GPC5: variants seen among roughly 807,000 people sequenced by gnomAD.
GPC5 encodes glypican-5.
Under a neutral mutation model 53.9 loss-of-function variants are expected in GPC5, and 47 were observed. That is an observed-to-expected ratio of 0.87 (90% CI 0.69 to 1.11). The LOEUF is 1.11. GPC5 is among the 50% of genes most tolerant of loss of function. GPC5 has a pLI of 0.00. For missense variants in GPC5, 748 were observed against 713.1 expected (o/e 1.05, Z -0.56); for synonymous variants, 286 against 263.3 (o/e 1.09, Z -0.84).
chr13:91,889,861 A>T (rs542653772), intron 5 of GPC5, among the ~76,000 whole-genome samples: 2 of 152,336 alleles, frequency 1.3e-5, no homozygotes, highest in South Asian at 4.1e-4. Context: ...TTCATACTTA[A>T]TTACAACAAT....
intron 7 of GPC5, among the ~76,000 whole-genome samples, chr13:92,305,652 T>C (rs183741186): frequency 1.2e-3 from 179 of 152,346 alleles, no homozygotes; most frequent in African/African-American, 4.1e-3. Flanking sequence ...TTTCTGAGGC[T>C]GTTTTCATTT....
intron 7 of GPC5, among the ~76,000 whole-genome samples, chr13:92,732,381 A>G (rs1037679312): frequency 5.9e-5 from 9 of 151,506 alleles, no homozygotes; most frequent in African/African-American, 2.2e-4. Flanking sequence ...AAATATTTTA[A>G]TGTTATTTAC....
At chr13:92,728,655 T>A (rs1888714571) in intron 7 of GPC5, among the ~76,000 whole-genome samples, 1 of 151,510 alleles carries the variant, frequency 6.6e-6, no homozygotes, top group Admixed American at 6.6e-5. Flanking sequence ...ATGCAGTCAC[T>A]ATCTTAATGT....
chr13:92,124,733 G>A (rs1448876195), intron 6 of GPC5, among the ~76,000 whole-genome samples: 1 of 152,028 alleles, frequency 6.6e-6, no homozygotes, highest in Non-Finnish European at 1.5e-5. Flanking sequence ...ATATACTCTG[G>A]GAGTGAAGAG....
At chr13:92,331,801 G>A (rs1255960727) in intron 7 of GPC5, among the ~76,000 whole-genome samples, 1 of 151,924 alleles carries the variant, frequency 6.6e-6, no homozygotes, top group Non-Finnish European at 1.5e-5. Flanking sequence ...CACGGTTGCA[G>A]ATCTTTGCCA....
intron 7 of GPC5, among the ~76,000 whole-genome samples, chr13:92,849,181 C>T (rs979122552): frequency 2.0e-5 from 3 of 152,130 alleles, no homozygotes; most frequent in South Asian, 4.1e-4. Flanking sequence ...AAGGTCTTCT[C>T]CTCATGTGTG....
chr13:92,566,036 A>C (rs1424714063), intron 7 of GPC5, among the ~76,000 whole-genome samples: 2 of 152,078 alleles, frequency 1.3e-5, no homozygotes, highest in Admixed American at 6.6e-5. Flanking sequence ...ATTACAGTAT[A>C]AAATACAAAC....
chr13:92,631,428 A>G (rs1885235860), intron 7 of GPC5, among the ~76,000 whole-genome samples: 1 of 152,152 alleles, frequency 6.6e-6, no homozygotes. Flanking sequence ...CATGCTAGCT[A>G]TGTAATAAAT....
intron 6 of GPC5, among the ~76,000 whole-genome samples, chr13:92,099,118 T>A (rs2041444805): frequency 6.6e-6 from 1 of 152,174 alleles, no homozygotes; most frequent in Non-Finnish European, 1.5e-5. Context: ...AAGACAAGTT[T>A]TTTTCCCCTC....
intron 7 of GPC5, among the ~76,000 whole-genome samples, chr13:92,169,673 C>A (rs1424862354): frequency 2.0e-5 from 3 of 151,930 alleles, no homozygotes; most frequent in South Asian, 2.1e-4. Context: ...AACGTACAAT[C>A]CAGTGTCTAT....
At chr13:91,967,952 T>G (rs1198444219) in intron 6 of GPC5, among the ~76,000 whole-genome samples, 2 of 152,128 alleles carry the variant, frequency 1.3e-5, no homozygotes, top group African/African-American at 4.8e-5. Context: ...GTGTATTAGT[T>G]ATAATTGTTC....
intron 7 of GPC5, among the ~76,000 whole-genome samples, chr13:92,218,620 A>G (rs1309986879): frequency 6.6e-6 from 1 of 152,174 alleles, no homozygotes; most frequent in Admixed American, 6.5e-5. Flanking sequence ...TTAAAGGTCC[A>G]TAAAAATCCC....
chr13:92,010,675 C>T (rs1379312680), intron 6 of GPC5, among the ~76,000 whole-genome samples: 2 of 152,166 alleles, frequency 1.3e-5, no homozygotes, highest in East Asian at 3.8e-4. Flanking sequence ...CTCCCTTTCT[C>T]TGTCTCTCTC....
rs144811125 is a variant in GPC5, at chr13:92,531,321, T to A, written c.1562-334961T>A. On this transcript the variant is annotated intron_variant, in intron 7 of 7. Coordinates refer to ENST00000377067, the MANE Select transcript of GPC5 (RefSeq NM_004466.6). ...AACTGAATAATACATGCTTGAATAT[T>A]GAATAGATCACTAGTTTTAGGATAT... Among the ~76,000 whole-genome samples the A allele has an allele frequency of 3.3e-5, 5 of 152,196 alleles. No homozygotes were observed. The East Asian group carries it at 9.7e-4, about 29-fold the overall frequency.
chr13:91,421,553 T>C (rs1458994337), intron 1 of GPC5, among the ~76,000 whole-genome samples: 1 of 152,166 alleles, frequency 6.6e-6, no homozygotes, highest in African/African-American at 2.4e-5. Context: ...TGTTGAACAC[T>C]GCAATGGAAT....
At chr13:92,011,183 C>T (rs940422179) in intron 6 of GPC5, among the ~76,000 whole-genome samples, 5 of 152,136 alleles carry the variant, frequency 3.3e-5, no homozygotes, top group Non-Finnish European at 7.4e-5. Flanking sequence ...AATATTACAT[C>T]GTGTCTAGAA....
rs1394284485 is a variant in GPC5, at chr13:92,759,991, A to G, written c.1562-106291A>G. Among the ~76,000 whole-genome samples the G allele has an allele frequency of 2.6e-5, 4 of 152,022 alleles. No homozygotes were observed. In the South Asian group the frequency reaches 8.3e-4, roughly 31 times the overall value. The stretch of plus-strand genomic sequence containing the variant: ...TATGATCGTGTGGTTTTGTTTTTCA[A>G]TATATTAGTGTGATGTATAACATTG... On this transcript the variant is annotated intron_variant, in intron 7 of 7. Transcript: ENST00000377067.
At chr13:91,569,486 T>C (rs547705842) in intron 2 of GPC5, among the ~76,000 whole-genome samples, 1 of 152,178 alleles carries the variant, frequency 6.6e-6, no homozygotes, top group Non-Finnish European at 1.5e-5. Flanking sequence ...TTAACAATTT[T>C]AATATATAAC....
intron 7 of GPC5, among the ~76,000 whole-genome samples, chr13:92,358,633 A>G (rs7332756): frequency 6.6e-6 from 1 of 151,394 alleles, no homozygotes; most frequent in Non-Finnish European, 1.5e-5. Context: ...CCAAGCTTCA[A>G]CTCTTGCTCT....
Sources: gnomAD v4.1 joint callset for allele counts (sites outside exome capture counted in the v4.1 genomes callset) on GRCh38, gnomAD v4.1.1 for gene constraint, MANE v1.5 for transcripts, NCBI Gene and HGNC (gene_info 2026-07-23, HGNC 2026-07-21) for gene names.